Variants in FAM184A observed in about 807,000 individuals in gnomAD.
The protein encoded by FAM184A is protein FAM184A.
FAM184A carries 99 observed loss-of-function variants against 143.8 expected under a neutral mutation model. The ratio of observed to expected loss-of-function variants is 0.69; its 90% confidence interval spans 0.58 to 0.81. The LOEUF (loss-of-function observed/expected upper bound fraction) is 0.81, where lower values mean the gene tolerates loss of function less well. Among genes scored for constraint, FAM184A ranks in the 40% least tolerant of loss-of-function variants. The pLI, the probability that FAM184A is intolerant of heterozygous loss-of-function variation, is 0.00. For synonymous variants in FAM184A, 427 were observed against 446.4 expected (o/e 0.96, Z 0.55); for missense variants, 1,217 against 1,310.5 (o/e 0.93, Z 1.10).
chr6:119,104,598 G>T (rs575298798), intron 1 of FAM184A, among the ~76,000 whole-genome samples: 1 of 152,276 alleles, frequency 6.6e-6, no homozygotes, highest in African/African-American at 2.4e-5. Context: ...TCTTAAGTGT[G>T]TAAAGTGTCA....
At chr6:119,069,336 G>A (rs1397149110) in intron 1 of FAM184A, among the ~76,000 whole-genome samples, 1 of 151,948 alleles carries the variant, frequency 6.6e-6, no homozygotes, top group Non-Finnish European at 1.5e-5. Context: ...AATTCACTAG[G>A]CGAAACATCT....
rs766541346 is a variant in FAM184A at position 119,024,773 on chromosome 6, G to C, written c.200C>G (p.Ser67Cys). Residue 67 changes from serine to cysteine, a missense_variant, in exon 2 of 18, where the codon TCT becomes TGT. Ser to Cys is a moderately radical substitution (Grantham distance 112, BLOSUM62 -1). Transcript: ENST00000338891. ...AGCATCTTTGAGGGCTTGAATTGCA[G>C]ATTCATGCTCATCATTTTTAGTGTT... is the stretch of plus-strand genomic sequence containing the variant. Reference protein sequence around the residue: ...ALNTKNDEHESAIQALKDAHE... With the variant: ...ALNTKNDEHECAIQALKDAHE... 3.1e-6 allele frequency: 5 copies of C among 1,611,556 alleles called. No homozygotes were observed. The South Asian group carries it at 5.5e-5, about 18-fold the overall frequency.
intron 6 of FAM184A, among the ~76,000 whole-genome samples, chr6:119,008,980 T>G (rs1785009948): frequency 6.6e-6 from 1 of 152,178 alleles, no homozygotes; most frequent in South Asian, 2.1e-4. Flanking sequence ...CTTTATATAC[T>G]AATTGAGAGA....
intron 6 of FAM184A, among the ~76,000 whole-genome samples, chr6:119,008,123 T>G (rs1382134809): frequency 6.6e-6 from 1 of 152,206 alleles, no homozygotes; most frequent in Non-Finnish European, 1.5e-5. Flanking sequence ...GTTTGTTTTC[T>G]TAAATACAAT....
chr6:119,058,160 C>T, intron 1 of FAM184A, among the ~76,000 whole-genome samples: 1 of 149,302 alleles, frequency 6.7e-6, no homozygotes, highest in Non-Finnish European at 1.5e-5. Context: ...AAGTAGAGTC[C>T]AATTCTCCTT....
At chr6:119,046,295 C>T (rs550623516) in intron 1 of FAM184A, among the ~76,000 whole-genome samples, 14 of 150,126 alleles carry the variant, frequency 9.3e-5, no homozygotes, top group Non-Finnish European at 2.1e-4. Flanking sequence ...ATGATCTAGG[C>T]TCACTGCAAT....
rs778308463 is a variant in FAM184A, at chr6:118,974,441, C to T, written c.2902G>A (p.Ala968Thr). 32 of 1,608,038 alleles carry T rather than the reference C, an allele frequency of 2.0e-5. No individual in the cohort carries two copies. Among genetic ancestry groups the T allele is most frequent in the Middle Eastern group, 3.3e-4 (2 of 6,068 alleles). ...TNELLKEINA[A>T]LQVSLEEMEE... ...AATATGACTTACGACACTTGTAAAG[C>T]GGCATTTATTTCCTTGAGTAGCTCG... Residue 968 changes from alanine to threonine, a missense_variant, in exon 14 of 18, where the codon GCT becomes ACT. Ala to Thr is a moderately conservative substitution (Grantham distance 58). Coordinates refer to ENST00000338891, the MANE Select transcript of FAM184A (RefSeq NM_024581.6).
chr6:119,014,575 A>G (rs1411911163), intron 5 of FAM184A, among the ~76,000 whole-genome samples: 1 of 152,242 alleles, frequency 6.6e-6, no homozygotes, highest in African/African-American at 2.4e-5. Context: ...AGGCTTCCTG[A>G]AGAGCACACC....
At chr6:119,005,134 G>GCTA (rs1316964182) in intron 7 of FAM184A, among the ~76,000 whole-genome samples, 1 of 151,966 alleles carries the variant, frequency 6.6e-6, no homozygotes, top group Non-Finnish European at 1.5e-5. Flanking sequence ...ACCACAGAAT[G>GCTA]CTACCATCGA....
chr6:118,961,485 A>G (rs1178236531), intron 17 of FAM184A, among the ~76,000 whole-genome samples: 1 of 151,852 alleles, frequency 6.6e-6, no homozygotes, highest in African/African-American at 2.4e-5. Context: ...ACTAAAAATA[A>G]AGTAATTGTG....
At chr6:119,028,410 T>A (rs1429158955) in intron 1 of FAM184A, among the ~76,000 whole-genome samples, 1 of 152,218 alleles carries the variant, frequency 6.6e-6, no homozygotes, top group Non-Finnish European at 1.5e-5. Context: ...GAACCCATCA[T>A]GTGACTATAC....
At chr6:119,082,229 G>C (rs576679758), upstream of FAM184A, among the ~76,000 whole-genome samples, 5 of 152,138 alleles carry the variant, frequency 3.3e-5, no homozygotes, top group Non-Finnish European at 7.3e-5. Flanking sequence ...CTCCCAGCAG[G>C]TCCCTCCCCT....
rs377761111 is a variant in FAM184A, at chr6:119,141,602, G to A, written c.-202+7476C>T. On this transcript the variant is annotated intron_variant, in intron 1 of 16. Coordinates refer to the FAM184A transcript ENST00000352896. ...AGCGATTCTCCTGCCTCAGCCTCCC[G>A]AGTAGCTGGGACTACAGGTGTGTGC... 3.5e-4 allele frequency among the ~76,000 whole-genome samples: 54 copies of A among 152,178 alleles called. No homozygotes were observed. In the East Asian group the frequency reaches 8.9e-3, roughly 25 times the overall value.
chr6:118,978,610 C>T (rs1783918002), intron 11 of FAM184A, among the ~76,000 whole-genome samples: 1 of 152,070 alleles, frequency 6.6e-6, no homozygotes, highest in South Asian at 2.1e-4. Flanking sequence ...TCTGGGACTC[C>T]CAGCAACATT....
intron 9 of FAM184A, among the ~76,000 whole-genome samples, chr6:119,002,588 A>G (rs527674308): frequency 6.6e-6 from 1 of 152,254 alleles, no homozygotes; most frequent in East Asian, 1.9e-4. Context: ...AAGGACATGA[A>G]AAAAGATTTT....
rs147275594 is a variant in FAM184A at position 119,070,558 on chromosome 6, T to C, written c.159+7583A>G. ...CTTGACATATAAAATATAAACCTAA[T>C]AGTTTGATATGATTCCCCCATATCA... is the stretch of plus-strand genomic sequence containing the variant. On this transcript the variant is annotated intron_variant, in intron 1 of 17. Coordinates refer to ENST00000338891, the MANE Select transcript of FAM184A (RefSeq NM_024581.6). Among the ~76,000 whole-genome samples, 444 of 152,338 alleles carry C rather than the reference T, an allele frequency of 2.9e-3. 2 individuals are homozygous for C. The highest frequency in any genetic ancestry group is 0.01 in the African/African-American group (425 of 41,586).
Position 118,979,050 on chromosome 6 carries a change from T to A in FAM184A, c.2455+315A>T, listed in dbSNP as rs529809753. Among the ~76,000 whole-genome samples the A allele has an allele frequency of 2.0e-5, 3 of 152,326 alleles. No individual in the cohort carries two copies. In the East Asian group the frequency reaches 5.8e-4, roughly 29 times the overall value. ...TGCAGTCTAAGGACATGTGGCTCCA[T>A]GTCCTTTCTACTGAGCAGTGATTGA... On this transcript the variant is annotated intron_variant, in intron 11 of 17. Coordinates refer to ENST00000338891, the MANE Select transcript of FAM184A (RefSeq NM_024581.6).
At chr6:119,128,834 TG>T (rs1229848985) in intron 1 of FAM184A, among the ~76,000 whole-genome samples, 1 of 152,028 alleles carries the variant, frequency 6.6e-6, no homozygotes, top group Non-Finnish European at 1.5e-5. Flanking sequence ...CTCCTGTGGA[TG>T]GGGGAGGGGC....
intron 1 of FAM184A, among the ~76,000 whole-genome samples, chr6:119,143,149 T>G (rs779147646): frequency 1.9e-4 from 29 of 152,208 alleles, no homozygotes; most frequent in Non-Finnish European, 3.5e-4. Flanking sequence ...GTACCCTGTT[T>G]TTGGTACTTT....
Sources: allele counts gnomAD v4.1 joint callset (sites outside exome capture counted in the v4.1 genomes callset), GRCh38; gene constraint gnomAD v4.1.1; transcripts MANE v1.5; gene names NCBI Gene and HGNC (gene_info 2026-07-23, HGNC 2026-07-21).